ADAM18: variants seen among roughly 807,000 people sequenced by gnomAD.
ADAM18 encodes the protein ADAM metallopeptidase domain 18, also known as disintegrin and metalloproteinase domain-containing protein 18.
In ADAM18, 117 loss-of-function variants were observed where a neutral mutation model predicts 94.4. The ratio of observed to expected loss-of-function variants is 1.24; its 90% confidence interval spans 1.07 to 1.45. The LOEUF (loss-of-function observed/expected upper bound fraction) is 1.45. Among genes scored for constraint, ADAM18 ranks in the 40% most tolerant of loss-of-function variants. ADAM18 has a pLI of 0.00. For missense variants in ADAM18, 936 were observed against 880.0 expected, an observed-to-expected ratio of 1.06 and a Z score of -0.81; for synonymous variants, 327 against 291.6, an observed-to-expected ratio of 1.12 and a Z score of -1.24.
chr8:39,641,470 C>T (rs562661932), intron 10 of ADAM18, among the ~76,000 whole-genome samples: 2 of 152,088 alleles, frequency 1.3e-5, no homozygotes, highest in Admixed American at 1.3e-4. Flanking sequence ...GTTATTCTTT[C>T]TGATCCTCTC....
At position 39,712,041 on chromosome 8, in the gene ADAM18, C is replaced by CT. The variant is rs397831226; in HGVS notation, c.2017+5137_2017+5138insT. ...ACTAAAATCAGAGAAGGCCCCCCCC[C>CT]GAGAAAAAAACAGTGAAAGATAAAA... On this transcript the variant is annotated intron_variant, in intron 18 of 19. Coordinates refer to ENST00000265707, the MANE Select transcript of ADAM18 (RefSeq NM_014237.3). Among the ~76,000 whole-genome samples the CT allele has an allele frequency of 4.2e-5, 6 of 143,952 alleles. No homozygotes were observed. The East Asian group carries it at 1.3e-3, about 32-fold the overall frequency. 94.4% of individuals were successfully genotyped at this position (143,952 alleles called of 152,430 possible). A position where few individuals can be genotyped will look rare whatever the true frequency, so the allele number is the denominator to read the frequency against.
chr8:39,724,030 T>C (rs1822834779), intron 19 of ADAM18, 123 bp downstream of exon 19: 4 of 671,020 alleles, frequency 6.0e-6, no homozygotes, highest in Admixed American at 4.2e-5. Context: ...CTAATGTAAG[T>C]GGTATCTTTA....
chr8:39,689,890 C>T (rs2100310), intron 16 of ADAM18, among the ~76,000 whole-genome samples: 97,876 of 151,946 alleles, frequency 0.64, 32,979 homozygotes, highest in Middle Eastern at 0.76. Context: ...CGTTTTGTAG[C>T]TCTCCTTGTA....
chr8:39,698,052 A>G (rs1821973679), intron 17 of ADAM18, among the ~76,000 whole-genome samples: 1 of 151,788 alleles, frequency 6.6e-6, no homozygotes, highest in African/African-American at 2.4e-5. Context: ...TCCTTTTGGG[A>G]TTAAATTTAC....
intron 6 of ADAM18, among the ~76,000 whole-genome samples, chr8:39,626,191 T>C (rs1243750402): frequency 2.0e-5 from 3 of 152,186 alleles, no homozygotes; most frequent in Non-Finnish European, 2.9e-5. Context: ...ATTTTCTAGT[T>C]TGTGTGCATA....
rs1399101224 is a variant in ADAM18, at chr8:39,592,885, G to A, written c.132+7533G>A. ...CCCTCTCTAGCTATGAAAGTCTCTA[G>A]CTGAGTCCTAGATGGTGTATTCTTC... On this transcript the variant is annotated intron_variant, in intron 2 of 19. Coordinates refer to ENST00000265707, the MANE Select transcript of ADAM18 (RefSeq NM_014237.3). 2.0e-5 allele frequency among the ~76,000 whole-genome samples: 3 copies of A among 152,276 alleles called. No individual in the cohort carries two copies. The East Asian group carries it at 5.8e-4, about 29-fold the overall frequency.
chr8:39,606,430 G>A, intron 3 of ADAM18, 68 bp downstream of exon 3: 2 of 1,033,452 alleles, frequency 1.9e-6, no homozygotes, highest in Admixed American at 2.6e-5. Flanking sequence ...CAGCCTTAAA[G>A]TTTTTGTGCA....
intron 17 of ADAM18, among the ~76,000 whole-genome samples, chr8:39,696,809 C>T (rs1821939163): frequency 6.6e-6 from 1 of 151,484 alleles, no homozygotes; most frequent in East Asian, 1.9e-4. Context: ...AGTTATTCAA[C>T]TTTATTCTTT....
At chr8:39,608,162 AC>A (rs1819147818) in intron 3 of ADAM18, among the ~76,000 whole-genome samples, 1 of 151,834 alleles carries the variant, frequency 6.6e-6, no homozygotes, top group South Asian at 2.1e-4. Flanking sequence ...TGGATTATAA[AC>A]CTCTGTATTC....
intron 6 of ADAM18, among the ~76,000 whole-genome samples, chr8:39,617,634 G>C (rs1485595042): frequency 6.6e-6 from 1 of 152,100 alleles, no homozygotes; most frequent in African/African-American, 2.4e-5. Context: ...TGTTACATAT[G>C]CACCATGGAA....
At chr8:39,684,832 G>C (rs946631239) in intron 16 of ADAM18, among the ~76,000 whole-genome samples, 5 of 152,128 alleles carry the variant, frequency 3.3e-5, no homozygotes, top group Non-Finnish European at 7.3e-5. Flanking sequence ...TTCAGGCCTG[G>C]TAGTTAAAAT....
chr8:39,660,331 T>C (rs1488546048), intron 12 of ADAM18, among the ~76,000 whole-genome samples: 2 of 152,140 alleles, frequency 1.3e-5, no homozygotes, highest in Admixed American at 6.5e-5. Flanking sequence ...TTAAAAAGAT[T>C]AAATTATATG....
intron 2 of ADAM18, among the ~76,000 whole-genome samples, chr8:39,589,192 C>T (rs1329541808): frequency 1.3e-5 from 2 of 152,200 alleles, no homozygotes; most frequent in African/African-American, 4.8e-5. Flanking sequence ...TTATATTCAA[C>T]AGCAGAATTC....
chr8:39,725,022 T>A (rs1469020902), intron 19 of ADAM18, among the ~76,000 whole-genome samples: 2 of 151,920 alleles, frequency 1.3e-5, no homozygotes, highest in Non-Finnish European at 2.9e-5. Flanking sequence ...CAAATACACT[T>A]GAATAGAAGG....
At chr8:39,596,728 G>A (rs1210810004) in intron 2 of ADAM18, among the ~76,000 whole-genome samples, 1 of 152,164 alleles carries the variant, frequency 6.6e-6, no homozygotes, top group Non-Finnish European at 1.5e-5. Context: ...AAGAGTATGT[G>A]TAGTATTGTA....
At chr8:39,646,291 C>T (rs1410818186) in intron 11 of ADAM18, among the ~76,000 whole-genome samples, 1 of 151,778 alleles carries the variant, frequency 6.6e-6, no homozygotes, top group Non-Finnish European at 1.5e-5. Context: ...AAATGTGAGT[C>T]ACATATGTAA....
intron 6 of ADAM18, among the ~76,000 whole-genome samples, chr8:39,615,244 C>T (rs1180909099): frequency 2.0e-5 from 3 of 150,490 alleles, no homozygotes; most frequent in South Asian, 4.2e-4. Context: ...AAAAAACATA[C>T]GGACCACACT....
At chr8:39,637,457 A>C (rs2129579287) in intron 8 of ADAM18, 80 bp from the exon 9 acceptor site, 1 of 1,415,312 alleles carries the variant, frequency 7.1e-7, no homozygotes, top group South Asian at 1.4e-5. Flanking sequence ...AAATACTGGA[A>C]CATGTTGTTT....
intron 14 of ADAM18, among the ~76,000 whole-genome samples, chr8:39,675,935 T>A (rs1458461487): frequency 1.3e-5 from 2 of 152,240 alleles, no homozygotes; most frequent in Admixed American, 6.5e-5. Flanking sequence ...AGACCCTGTT[T>A]CCCTGGGTAT....
Sources: gnomAD v4.1 joint callset for allele counts (sites outside exome capture counted in the v4.1 genomes callset) on GRCh38, gnomAD v4.1.1 for gene constraint, MANE v1.5 for transcripts, NCBI Gene and HGNC (gene_info 2026-07-23, HGNC 2026-07-21) for gene names.